Variants in TMCO4 observed in about 807,000 individuals in gnomAD.
The protein encoded by TMCO4 is transmembrane and coiled-coil domains 4, also known as transmembrane and coiled-coil domain-containing protein 4.
Under a neutral mutation model 64.7 loss-of-function variants are expected in TMCO4, and 58 were observed. The ratio of observed to expected loss-of-function variants is 0.90; its 90% CI spans 0.73 to 1.12. The LOEUF is 1.12. Among genes scored for constraint, TMCO4 ranks in the 50% most tolerant of loss-of-function variants. The pLI is 0.00. For missense variants in TMCO4, 780 were observed against 825.9 expected (o/e 0.94, Z 0.68); for synonymous variants, 325 against 346.1 (o/e 0.94, Z 0.68).
intron 15 of TMCO4, among the ~76,000 whole-genome samples, chr1:19,688,709 A>G (rs886489544): frequency 1.3e-5 from 2 of 152,208 alleles, no homozygotes; most frequent in African/African-American, 4.8e-5. Flanking sequence ...CTGCAGCCTC[A>G]GTTTTCACAC....
At chr1:19,693,920 G>A (rs1305520034) in intron 15 of TMCO4, among the ~76,000 whole-genome samples, 2 of 152,162 alleles carry the variant, frequency 1.3e-5, no homozygotes, top group African/African-American at 4.8e-5. Flanking sequence ...AGTGGGGAAC[G>A]GCAGTAATAC....
At chr1:19,760,152 A>G (rs2042433568) in intron 6 of TMCO4, among the ~76,000 whole-genome samples, 1 of 151,856 alleles carries the variant, frequency 6.6e-6, no homozygotes, top group Non-Finnish European at 1.5e-5. Flanking sequence ...TTATTCTTAA[A>G]TGTCATATAG....
intron 6 of TMCO4, among the ~76,000 whole-genome samples, chr1:19,761,995 G>A (rs2042526784): frequency 6.6e-6 from 1 of 152,258 alleles, no homozygotes; most frequent in South Asian, 2.1e-4. Context: ...GGTCCTAGGA[G>A]GTTGTCACTA....
chr1:19,736,764 T>C (rs1381079046), intron 13 of TMCO4, among the ~76,000 whole-genome samples: 2 of 152,222 alleles, frequency 1.3e-5, no homozygotes, highest in Admixed American at 1.3e-4. Flanking sequence ...AAGGTGTCTG[T>C]GTGTGGTTGA....
intron 13 of TMCO4, among the ~76,000 whole-genome samples, chr1:19,709,268 C>G (rs910235584): frequency 1.4e-5 from 2 of 144,164 alleles, no homozygotes; most frequent in African/African-American, 5.2e-5. Context: ...AGTGATAAGG[C>G]TATTACTAAC....
chr1:19,781,784 C>T (rs1365748131), intron 3 of TMCO4, among the ~76,000 whole-genome samples: 1 of 152,094 alleles, frequency 6.6e-6, no homozygotes, highest in Non-Finnish European at 1.5e-5. Context: ...GTAGCTGGGA[C>T]TACAGGCGCC....
At position 19,733,277 on chromosome 1, in the gene TMCO4, AT is replaced by A. The variant is rs1212210767; in HGVS notation, c.1264+4094del. Among the ~76,000 whole-genome samples the A allele has an allele frequency of 7.6e-3, 1,161 of 151,978 alleles. 12 individuals are homozygous for A. The highest frequency in any genetic ancestry group is 0.027 in the African/African-American group (1,117 of 41,416). On this transcript the variant is annotated intron_variant, in intron 13 of 15. Transcript: ENST00000294543. ...GCGAAACTCCGTCTCAAAAAAAAAAATTTTTTTTCTTAATAAAATATTGAAG... is the reference window on the plus strand; with the variant it reads ...GCGAAACTCCGTCTCAAAAAAAAAAATTTTTTTCTTAATAAAATATTGAAG...
At chr1:19,787,491 C>T (rs74594071) in intron 2 of TMCO4, among the ~76,000 whole-genome samples, 3,692 of 152,324 alleles carry the variant, frequency 0.024, 66 homozygotes, top group South Asian at 0.063. Flanking sequence ...AGAGTGGGCA[C>T]TCAGAAAATG....
chr1:19,705,067 G>A (rs913262566), intron 13 of TMCO4, among the ~76,000 whole-genome samples: 12 of 152,172 alleles, frequency 7.9e-5, no homozygotes, highest in African/African-American at 2.7e-4. Flanking sequence ...AGCTAAGGGC[G>A]GTTGGCAAGA....
At chr1:19,698,283 G>A (rs2095249815) in intron 14 of TMCO4, among the ~76,000 whole-genome samples, 1 of 152,186 alleles carries the variant, frequency 6.6e-6, no homozygotes, top group African/African-American at 2.4e-5. Flanking sequence ...TCTTGTCCTG[G>A]GTTACAAGGA....
At chr1:19,687,444 G>T (rs1271697880) in intron 15 of TMCO4, among the ~76,000 whole-genome samples, 1 of 152,216 alleles carries the variant, frequency 6.6e-6, no homozygotes, top group Non-Finnish European at 1.5e-5. Context: ...ACCTAAAGGA[G>T]TTGCTGGGAA....
At chr1:19,701,829 C>T (rs1173088750) in intron 13 of TMCO4, among the ~76,000 whole-genome samples, 2 of 152,056 alleles carry the variant, frequency 1.3e-5, no homozygotes, top group African/African-American at 2.4e-5. Context: ...CAGGTCAGGG[C>T]TATTCAAAGT....
At chr1:19,731,542 G>A (rs1031886532) in intron 13 of TMCO4, among the ~76,000 whole-genome samples, 1 of 152,222 alleles carries the variant, frequency 6.6e-6, no homozygotes, top group Admixed American at 6.5e-5. Flanking sequence ...TCACACACTT[G>A]TAGCAACTAA....
Position 19,737,473 on chromosome 1 carries a change from C to A in TMCO4, c.1180-17G>T. The A allele has an allele frequency of 6.2e-7, 1 of 1,613,230 alleles. No homozygotes were observed. Among genetic ancestry groups the A allele is most frequent in the Non-Finnish European group, 8.5e-7 (1 of 1,179,440 alleles). Reference sequence around the variant, plus strand: ...TCGTCGCCCCTGAAGGGAAAAAGGACACAGGTGTCTGGAAGGAATACTGCC... The same window carrying A: ...TCGTCGCCCCTGAAGGGAAAAAGGAAACAGGTGTCTGGAAGGAATACTGCC... On this transcript the variant is annotated splice_polypyrimidine_tract_variant and intron_variant, in intron 12 of 15. Transcript: ENST00000294543.
chr1:19,770,699 G>A lies in TMCO4; in HGVS notation c.355-130C>T, dbSNP rs540344290. 1.8e-4 allele frequency: 154 copies of A among 872,158 alleles called. 2 individuals carry two copies. The highest frequency in any genetic ancestry group is 1.6e-3 in the East Asian group (61 of 38,170). The allele number at this position is 872,158 out of a possible 1,614,324, so 54.0% of individuals were successfully genotyped here. A position where few individuals can be genotyped will look rare whatever the true frequency, so the allele number is the denominator to read the frequency against. ...AAAGCCACTGCCCTAGATTCTAGAC[G>A]TGAGCCAGATGATAAACAGGCAAGC... On this transcript the variant is annotated intron_variant, in intron 5 of 15. Coordinates refer to ENST00000294543, the MANE Select transcript of TMCO4 (RefSeq NM_181719.7).
intron 6 of TMCO4, among the ~76,000 whole-genome samples, chr1:19,758,301 GGGTT>G (rs1233960856): frequency 6.6e-6 from 1 of 151,762 alleles, no homozygotes; most frequent in Non-Finnish European, 1.5e-5. Flanking sequence ...CTGTGGCTTG[GGGTT>G]ATTAGATTCA....
At chr1:19,793,460 G>C (rs1185441011) in intron 2 of TMCO4, among the ~76,000 whole-genome samples, 1 of 152,136 alleles carries the variant, frequency 6.6e-6, no homozygotes, top group East Asian at 1.9e-4. Flanking sequence ...ATCTTGAGAT[G>C]CTCCTAGAAG....
intron 4 of TMCO4, among the ~76,000 whole-genome samples, chr1:19,773,120 C>T (rs546770117): frequency 1.4e-4 from 21 of 152,246 alleles, no homozygotes; most frequent in East Asian, 1.4e-3. Context: ...AACCCAGGGG[C>T]GGCGGTTGCA....
chr1:19,742,822 C>T lies in TMCO4; in HGVS notation c.878-1881G>A, dbSNP rs147475527. On this transcript the variant is annotated intron_variant, in intron 10 of 15. Coordinates refer to ENST00000294543, the MANE Select transcript of TMCO4 (RefSeq NM_181719.7). ...TGTTGTATACTTTGGGAGGCCGAGG[C>T]GGGTGGATCATGAGGTGAAGGGATC... Among the ~76,000 whole-genome samples, 199 of 152,200 alleles carry T rather than the reference C, an allele frequency of 1.3e-3. 1 individual carries two copies. The highest frequency in any genetic ancestry group is 5.2e-3 in the East Asian group (27 of 5,178).
Sources: gnomAD v4.1 joint callset for allele counts (sites outside exome capture counted in the v4.1 genomes callset) on GRCh38, gnomAD v4.1.1 for gene constraint, MANE v1.5 for transcripts, NCBI Gene and HGNC (gene_info 2026-07-23, HGNC 2026-07-21) for gene names.